Variants in DDX46 observed in about 807,000 individuals in gnomAD.
The protein encoded by DDX46 is probable ATP-dependent RNA helicase DDX46.
In DDX46, 30 loss-of-function variants were observed where a neutral mutation model predicts 134.9. The observed-to-expected ratio is 0.22, with a 90% CI of 0.17 to 0.30. DDX46 has a LOEUF of 0.30. Ranked by LOEUF, DDX46 falls within the 10% of genes least tolerant of loss-of-function variation. The pLI is 1.00. For missense variants in DDX46, 622 were observed against 1,248.7 expected, an observed-to-expected ratio of 0.50 and a Z score of 7.56; for synonymous variants, 415 against 404.1, an observed-to-expected ratio of 1.03 and a Z score of -0.32.
chr5:134,822,764 A>G (rs1008041684), intron 21 of DDX46, among the ~76,000 whole-genome samples: 3 of 151,882 alleles, frequency 2.0e-5, no homozygotes, highest in Admixed American at 2.0e-4. Flanking sequence ...TTTTGTAGAG[A>G]TGGGTTTTCA....
chr5:134,797,167 CAAAAAAAAAAA>C (rs61547263), intron 15 of DDX46: 30 of 22,954 alleles, frequency 1.3e-3, no homozygotes, highest in Middle Eastern at 0.014. Flanking sequence ...AACTCCGTCT[CAAAAAAAAAAA>C]AAAAAAAAAA....
Position 134,764,043 on chromosome 5 carries a change from C to T in DDX46, c.157C>T (p.Arg53Cys), listed in dbSNP as rs763623375. The change falls in exon 2 of 23, where the codon CGT becomes TGT. Residue 53 changes from arginine to cysteine, a missense_variant. Coordinates refer to ENST00000452510, the MANE Select transcript of DDX46 (RefSeq NM_001300860.2). ...TAGAGATAGGAGGAGAGAGAGGTCT[C>T]GTAGCAGGGATAAAAGAAGATCTCG... ...RDRDRRRERS[R>C]SRDKRRSRSR... 11 of 1,613,862 alleles carry T rather than the reference C, an allele frequency of 6.8e-6. No homozygotes were observed. Among genetic ancestry groups the T allele is most frequent in the Non-Finnish European group, 9.3e-6 (11 of 1,179,954 alleles).
At chr5:134,795,604 G>A (rs1754633825) in intron 14 of DDX46, among the ~76,000 whole-genome samples, 1 of 152,144 alleles carries the variant, frequency 6.6e-6, no homozygotes, top group Non-Finnish European at 1.5e-5. Context: ...GGTGACTCAT[G>A]CCTGTAATCC....
intron 1 of DDX46, among the ~76,000 whole-genome samples, chr5:134,762,453 A>C (rs535219260): frequency 3.3e-5 from 5 of 151,942 alleles, no homozygotes; most frequent in African/African-American, 1.2e-4. Context: ...AAAAGGCTGC[A>C]TGCGGTGGCT....
chr5:134,804,300 C>T (rs1754919146), intron 15 of DDX46, among the ~76,000 whole-genome samples: 1 of 152,128 alleles, frequency 6.6e-6, no homozygotes. Context: ...TCTCTCTTCT[C>T]TCTAGTATGT....
chr5:134,762,705 C>T (rs1294607223), intron 1 of DDX46, among the ~76,000 whole-genome samples: 2 of 151,666 alleles, frequency 1.3e-5, no homozygotes, highest in Admixed American at 6.6e-5. Context: ...TGCATTCCAG[C>T]CTGGGCAACA....
intron 15 of DDX46, chr5:134,797,115 G>C (rs139308306): frequency 0.016 from 3,260 of 206,450 alleles, 73 homozygotes; most frequent in African/African-American, 0.061. Flanking sequence ...TGCGGTGAGC[G>C]GAGATTGCAC....
chr5:134,816,346 A>C, intron 18 of DDX46, 84 bp from the exon 19 acceptor site: 1 of 1,301,252 alleles, frequency 7.7e-7, no homozygotes, highest in Non-Finnish European at 1.0e-6. Context: ...TGGTGGAAAC[A>C]TTCCTTATTT....
intron 4 of DDX46, among the ~76,000 whole-genome samples, chr5:134,772,823 C>T (rs1343007805): frequency 1.3e-5 from 2 of 152,104 alleles, no homozygotes; most frequent in African/African-American, 2.4e-5. Flanking sequence ...TTTTTTGAGA[C>T]GGAGTTCTGC....
At position 134,828,768 on chromosome 5, in the gene DDX46, C is replaced by A; in HGVS notation, c.*62C>A. The stretch of plus-strand genomic sequence containing the variant: ...TGATGTATGTGGCAGTTGCTGTCTG[C>A]AGTTTACAATGTATTGTAAATGAAG... On this transcript the variant is annotated 3_prime_UTR_variant, in exon 23 of 23. Transcript: ENST00000452510. 1 of 1,204,170 alleles carries A rather than the reference C, an allele frequency of 8.3e-7. No homozygotes were observed. The highest frequency in any genetic ancestry group is 1.1e-6 in the Non-Finnish European group (1 of 897,978). 74.6% of individuals were successfully genotyped at this position (1,204,170 alleles called of 1,614,324 possible). A position where few individuals can be genotyped will look rare whatever the true frequency, so the allele number is the denominator to read the frequency against.
At chr5:134,769,529 T>G (rs1753691746) in intron 3 of DDX46, among the ~76,000 whole-genome samples, 1 of 149,100 alleles carries the variant, frequency 6.7e-6, no homozygotes, top group Non-Finnish European at 1.5e-5. Context: ...ACGGGGTTTG[T>G]TTTTTTTGTT....
At chr5:134,759,085 A>G in intron 1 of DDX46, 130 bp downstream of exon 1, 10 of 1,410,786 alleles carry the variant, frequency 7.1e-6, no homozygotes, top group Non-Finnish European at 9.5e-6. Flanking sequence ...CCCCGCGAGC[A>G]TTGGAAGGGC....
At chr5:134,781,095 A>G (rs1244116393) in intron 6 of DDX46, 38 bp from the exon 7 acceptor site, 2 of 1,461,980 alleles carry the variant, frequency 1.4e-6, no homozygotes, top group Non-Finnish European at 1.8e-6. Flanking sequence ...CTTGTGTTTC[A>G]GCTTTGCAAA....
At chr5:134,808,252 C>T (rs748537630) in intron 16 of DDX46, among the ~76,000 whole-genome samples, 5 of 152,074 alleles carry the variant, frequency 3.3e-5, no homozygotes, top group Non-Finnish European at 5.9e-5. Context: ...TACAATGTCC[C>T]GATAAACCCA....
At chr5:134,780,281 T>G (rs1187624844) in intron 6 of DDX46, among the ~76,000 whole-genome samples, 6 of 150,254 alleles carry the variant, frequency 4.0e-5, no homozygotes, top group Admixed American at 2.0e-4. Context: ...TATATATAAT[T>G]GGCTGGGTGT....
intron 15 of DDX46, among the ~76,000 whole-genome samples, chr5:134,807,505 G>A (rs141078810): frequency 0.011 from 1,748 of 152,200 alleles, 18 homozygotes; most frequent in Middle Eastern, 0.02. Flanking sequence ...TCTGATATTG[G>A]ACCTTTGCAA....
chr5:134,806,430 G>A (rs774181509), intron 15 of DDX46, among the ~76,000 whole-genome samples: 17 of 152,108 alleles, frequency 1.1e-4, no homozygotes, highest in Non-Finnish European at 1.9e-4. Context: ...GCTTCAGTTA[G>A]CATATTATAT....
At chr5:134,820,587 A>G (rs1193848542) in intron 21 of DDX46, among the ~76,000 whole-genome samples, 2 of 152,098 alleles carry the variant, frequency 1.3e-5, no homozygotes, top group African/African-American at 4.8e-5. Context: ...TAGACCTCTT[A>G]CTTCTTGATT....
At chr5:134,791,376 C>T (rs1228291040) in intron 13 of DDX46, among the ~76,000 whole-genome samples, 9 of 152,068 alleles carry the variant, frequency 5.9e-5, no homozygotes, top group African/African-American at 1.4e-4. Context: ...CTGGCTTTCA[C>T]GGTGAAACCT....
Sources: gnomAD v4.1 joint callset for allele counts (sites outside exome capture counted in the v4.1 genomes callset) on GRCh38, gnomAD v4.1.1 for gene constraint, MANE v1.5 for transcripts, NCBI Gene and HGNC (gene_info 2026-07-23, HGNC 2026-07-21) for gene names.